MAP4: variants seen among roughly 807,000 people sequenced by gnomAD.
MAP4 encodes microtubule associated protein 4, also known as microtubule-associated protein 4.
MAP4 carries 76 observed loss-of-function variants against 170.2 expected under a neutral mutation model. That is an observed-to-expected ratio of 0.45 (90% confidence interval 0.37 to 0.54). The LOEUF is 0.54. Among genes scored for constraint, MAP4 ranks in the 20% least tolerant of loss-of-function variants. The pLI is 0.00. For synonymous variants in MAP4, 909 were observed against 994.5 expected (o/e 0.91, Z 1.62); for missense variants, 2,506 against 2,748.0 (o/e 0.91, Z 1.97).
chr3:47,931,945 G>A (rs949802222), intron 3 of MAP4: 1 of 151,812 alleles, frequency 6.6e-6, no homozygotes, highest in Non-Finnish European at 1.5e-5. Context: ...CAGTTTTATC[G>A]AGTATAATTC....
intron 2 of MAP4, among the ~76,000 whole-genome samples, chr3:47,994,607 G>C (rs1345815282): frequency 6.6e-6 from 1 of 152,190 alleles, no homozygotes; most frequent in Admixed American, 6.5e-5. Flanking sequence ...GGCCCAAGAG[G>C]AGGAAAGTTT....
chr3:48,036,621 T>A (rs546999994), intron 1 of MAP4, among the ~76,000 whole-genome samples: 1 of 152,254 alleles, frequency 6.6e-6, no homozygotes, highest in African/African-American at 2.4e-5. Flanking sequence ...GACGAGGCTG[T>A]TCTTTCTATG....
chr3:47,920,229 C>T (rs998903886), intron 5 of MAP4, among the ~76,000 whole-genome samples: 1 of 152,156 alleles, frequency 6.6e-6, no homozygotes, highest in Non-Finnish European at 1.5e-5. Flanking sequence ...CCTCCGTCTC[C>T]CAAAGTGCTG....
intron 3 of MAP4, among the ~76,000 whole-genome samples, chr3:47,935,149 T>C (rs984047647): frequency 1.3e-5 from 2 of 152,260 alleles, no homozygotes; most frequent in African/African-American, 2.4e-5. Context: ...GACAAGTGTC[T>C]ACAATGCAGT....
chr3:47,883,137 T>C (rs987649838), intron 10 of MAP4, among the ~76,000 whole-genome samples: 1 of 152,138 alleles, frequency 6.6e-6, no homozygotes, highest in Non-Finnish European at 1.5e-5. Flanking sequence ...GTGTTTCCTC[T>C]TCATAGATTA....
At chr3:47,891,737 G>A (rs774667546) in intron 10 of MAP4, 92 of 1,536,546 alleles carry the variant, frequency 6.0e-5, no homozygotes, top group Non-Finnish European at 6.9e-5. Flanking sequence ...AGTGATTGGC[G>A]GAATGGTGGT....
upstream of MAP4, among the ~76,000 whole-genome samples, chr3:48,019,277 G>A (rs1310637036): frequency 6.6e-6 from 1 of 152,148 alleles, no homozygotes; most frequent in African/African-American, 2.4e-5. Flanking sequence ...AGGAGCTTGA[G>A]GATGCAGTGA....
At chr3:47,974,126 C>G (rs2154255833) in intron 3 of MAP4, 1 of 985,102 alleles carries the variant, frequency 1.0e-6, no homozygotes, top group East Asian at 1.1e-4. Flanking sequence ...ATCAGGGGAT[C>G]TAAAACAATG....
intron 17 of MAP4, among the ~76,000 whole-genome samples, chr3:47,859,412 C>A (rs1334314640): frequency 6.6e-6 from 1 of 152,164 alleles, no homozygotes; most frequent in African/African-American, 2.4e-5. Flanking sequence ...ATAATGCCAC[C>A]AGTATTTTTG....
intron 1 of MAP4, among the ~76,000 whole-genome samples, chr3:48,009,160 G>A (rs888855059): frequency 7.2e-5 from 11 of 152,114 alleles, no homozygotes; most frequent in Non-Finnish European, 1.2e-4. Context: ...GAGTGCAGTG[G>A]CACAATCTTG....
At position 47,937,449 on chromosome 3, in the gene MAP4, T is replaced by C. The variant is rs1158794597; in HGVS notation, c.293-9099A>G. Among the ~76,000 whole-genome samples, 6 of 152,210 alleles carry C rather than the reference T, an allele frequency of 3.9e-5. No individual in the cohort carries two copies. The East Asian group carries it at 1.2e-3, about 29-fold the overall frequency. Reference sequence around the variant, plus strand: ...AAATTAGTAAAAATATTAAAAGCAATATGTTTTTTCATAGGATTAATATAT... The same window carrying C: ...AAATTAGTAAAAATATTAAAAGCAACATGTTTTTTCATAGGATTAATATAT... On this transcript the variant is annotated intron_variant, in intron 3 of 20. Coordinates refer to ENST00000683076, the MANE Select transcript of MAP4 (RefSeq NM_001385682.1).
At chr3:47,881,904 T>C (rs1363373278) in intron 10 of MAP4, among the ~76,000 whole-genome samples, 1 of 152,158 alleles carries the variant, frequency 6.6e-6, no homozygotes, top group East Asian at 1.9e-4. Context: ...CCTGGCCTAC[T>C]TGAGTCATTT....
intron 1 of MAP4, among the ~76,000 whole-genome samples, chr3:48,049,477 G>A (rs1441178128): frequency 6.6e-6 from 1 of 151,918 alleles, no homozygotes; most frequent in Middle Eastern, 3.4e-3. Context: ...AAAATCAGCC[G>A]GGCATGATAG....
intron 1 of MAP4, among the ~76,000 whole-genome samples, chr3:48,032,583 T>G (rs1218874918): frequency 2.6e-5 from 4 of 151,866 alleles, no homozygotes; most frequent in Non-Finnish European, 5.9e-5. Flanking sequence ...GAGAATCGCT[T>G]GAACCCAGGA....
intron 1 of MAP4, among the ~76,000 whole-genome samples, chr3:48,030,140 C>T (rs1306996440): frequency 6.7e-6 from 1 of 149,146 alleles, no homozygotes; most frequent in Non-Finnish European, 1.5e-5. Flanking sequence ...TGTAATCCCA[C>T]CACTTTGAAA....
Position 47,857,431 on chromosome 3 carries a change from C to T in MAP4, c.6583G>A (p.Gly2195Ser). The change falls in exon 18 of 21, where the codon GGT (glycine) becomes AGT (serine). Residue 2195 changes from glycine (G) to serine (S), a missense_variant and splice_region_variant. Gly to Ser is a moderately conservative substitution (Grantham distance 56, BLOSUM62 0). Transcript: ENST00000683076. ...AGTGGGCAAGGGAGGCACCACTCAC[C>T]AGGCTTGTGCTTGATGTTAGCCTTA... ...GSKANIKHKP[G>S]GGDVKIESQK... 6.2e-7 allele frequency: 1 copy of T among 1,613,820 alleles called. No homozygotes were observed. Among genetic ancestry groups the T allele is most frequent in the South Asian group, 1.1e-5 (1 of 91,072 alleles).
intron 3 of MAP4, among the ~76,000 whole-genome samples, chr3:47,935,321 C>T (rs2153913311): frequency 6.6e-6 from 1 of 152,102 alleles, no homozygotes; most frequent in Admixed American, 6.5e-5. Flanking sequence ...GGGGAAGACA[C>T]ACAGCAAGCA....
intron 2 of MAP4, among the ~76,000 whole-genome samples, chr3:47,988,207 A>G (rs984615411): frequency 7.9e-5 from 12 of 151,862 alleles, no homozygotes; most frequent in Admixed American, 7.9e-4. Context: ...AAAAAAAAAA[A>G]AGAAAGCAAA....
Position 47,916,258 on chromosome 3 carries a change from A to C in MAP4, c.1569T>G (p.Pro523=), listed in dbSNP as rs1042725086. The stretch of plus-strand genomic sequence containing the variant: ...TGATGAGAACTACTTCTGTTTCTGG[A>C]GGTGGAGTCACATCCTTGCCCAGAG... ...EMALGKDVTP[P]PETEVVLIKN... is the part of the protein sequence containing the mutation. The change falls in exon 7 of 21, where the codon CCT becomes CCG. Residue 523 remains proline (P), a synonymous_variant. Coordinates refer to ENST00000683076, the MANE Select transcript of MAP4 (RefSeq NM_001385682.1). 1 of 1,614,002 alleles carries C rather than the reference A, an allele frequency of 6.2e-7. No individual in the cohort carries two copies. Among genetic ancestry groups the C allele is most frequent in the African/African-American group, 1.3e-5 (1 of 74,904 alleles).
Sources: gnomAD v4.1 joint callset for allele counts (sites outside exome capture counted in the v4.1 genomes callset) on GRCh38, gnomAD v4.1.1 for gene constraint, MANE v1.5 for transcripts, NCBI Gene and HGNC (gene_info 2026-07-23, HGNC 2026-07-21) for gene names.